Variants in ANTXR2 observed in about 807,000 individuals in gnomAD.
ANTXR2 encodes the protein ANTXR cell adhesion molecule 2, also known as anthrax toxin receptor 2.
A neutral mutation model predicts 73.7 loss-of-function variants in ANTXR2; 44 were observed. The ratio of observed to expected loss-of-function variants is 0.60; its 90% CI spans 0.47 to 0.77. The LOEUF (loss-of-function observed/expected upper bound fraction) is 0.77, where lower values mean the gene tolerates loss of function less well. Among genes scored for constraint, ANTXR2 ranks in the 30% least tolerant of loss-of-function variants. ANTXR2 has a pLI of 0.00. For synonymous variants in ANTXR2, 217 were observed against 205.9 expected (o/e 1.05, Z -0.46); for missense variants, 604 against 592.5 (o/e 1.02, Z -0.20).
At chr4:79,925,768 T>C (rs1275333525) in intron 16 of ANTXR2, among the ~76,000 whole-genome samples, 2 of 152,136 alleles carry the variant, frequency 1.3e-5, no homozygotes, top group Non-Finnish European at 2.9e-5. Context: ...GTACTATCAG[T>C]GTAACAATGT....
At chr4:79,919,896 TATATATATATATATATATATATATAA>T (rs1228480944) in intron 16 of ANTXR2, among the ~76,000 whole-genome samples, 203 of 16,362 alleles carry the variant, frequency 0.012, 25 homozygotes, top group East Asian at 0.094. Context: ...TATATATATA[TATATATATATATATATATATATATAA>T]AAAATGATAG....
intron 12 of ANTXR2, among the ~76,000 whole-genome samples, chr4:79,986,192 G>A (rs1005252392): frequency 1.3e-5 from 2 of 152,034 alleles, no homozygotes; most frequent in African/African-American, 2.4e-5. Flanking sequence ...TCACACCATC[G>A]TGATGGAAAA....
intron 9 of ANTXR2, 86 bp downstream of exon 9, chr4:80,033,386 A>G: frequency 1.1e-6 from 1 of 906,320 alleles, no homozygotes; most frequent in Middle Eastern, 2.2e-4. Context: ...TATGTCAGTT[A>G]GTTTTCGTTG....
intron 14 of ANTXR2, among the ~76,000 whole-genome samples, chr4:79,981,159 T>C (rs931181896): frequency 6.6e-6 from 1 of 152,124 alleles, no homozygotes; most frequent in African/African-American, 2.4e-5. Context: ...CATCTCCACA[T>C]TTAAATAAAT....
chr4:80,022,699 G>A (rs1052377138), intron 10 of ANTXR2, among the ~76,000 whole-genome samples: 5 of 152,074 alleles, frequency 3.3e-5, no homozygotes, highest in Admixed American at 1.3e-4. Flanking sequence ...GCTTTCTTAT[G>A]GGCAAAAATG....
intron 16 of ANTXR2, among the ~76,000 whole-genome samples, chr4:79,908,723 A>C (rs1449752438): frequency 3.3e-5 from 5 of 152,176 alleles, no homozygotes; most frequent in Non-Finnish European, 7.4e-5. Flanking sequence ...GTAGGAAAAA[A>C]GCAGATAGAA....
chr4:79,992,094 A>G (rs1730497394), intron 12 of ANTXR2, among the ~76,000 whole-genome samples: 1 of 152,064 alleles, frequency 6.6e-6, no homozygotes. Context: ...CTGTACATGT[A>G]CCCCTGAACC....
chr4:80,049,662 G>T (rs1733685152), intron 7 of ANTXR2, among the ~76,000 whole-genome samples: 1 of 151,374 alleles, frequency 6.6e-6, no homozygotes, highest in African/African-American at 2.4e-5. Context: ...TAACCCTCTT[G>T]TCCCCTCTGT....
rs1726833571 is a variant in ANTXR2, at chr4:79,904,553, CAA to C, written c.*2874_*2875del. 1.3e-5 allele frequency: 2 copies of C among 152,012 alleles called. No homozygotes were observed. Among genetic ancestry groups the C allele is most frequent in the South Asian group, 4.1e-4 (2 of 4,824 alleles). 9.4% of individuals were successfully genotyped at this position (152,012 alleles called of 1,614,324 possible). A position where few individuals can be genotyped will look rare whatever the true frequency, so the allele number is the denominator to read the frequency against. On this transcript the variant is annotated 3_prime_UTR_variant, in exon 17 of 17. Coordinates refer to ENST00000403729, the MANE Select transcript of ANTXR2 (RefSeq NM_058172.6). ...GCTCTAAGGAAAACATTCCAAGTAT[CAA>C]AGTTTTCAGATAGATAAATATTTAT...
In ANTXR2 at chr4:79,907,422, T is replaced by C. The variant is rs776108454; in HGVS notation, c.*7A>G. The stretch of plus-strand genomic sequence containing the variant: ...CTTCGTACCTTCTTGGTCTTCCTGC[T>C]TCCCTTTTACTGAGATGGAACTCGG... On this transcript the variant is annotated 3_prime_UTR_variant, in exon 17 of 17. Coordinates refer to ENST00000403729, the MANE Select transcript of ANTXR2 (RefSeq NM_058172.6). 1 of 1,612,420 alleles carries C rather than the reference T, an allele frequency of 6.2e-7. No homozygotes were observed. The highest frequency in any genetic ancestry group is 8.5e-7 in the Non-Finnish European group (1 of 1,178,990).
intron 12 of ANTXR2, among the ~76,000 whole-genome samples, chr4:79,993,931 T>G (rs1415015293): frequency 6.7e-6 from 1 of 148,348 alleles, no homozygotes; most frequent in Non-Finnish European, 1.5e-5. Context: ...TCTTGGTCAG[T>G]TTTTTTTTTA....
intron 16 of ANTXR2, among the ~76,000 whole-genome samples, chr4:79,957,000 A>T (rs1353435019): frequency 1.3e-5 from 2 of 152,132 alleles, no homozygotes; most frequent in African/African-American, 2.4e-5. Context: ...ACCACTTGAC[A>T]ATCCACCAAA....
In ANTXR2 at chr4:79,903,961, T is replaced by C. The variant is rs561942463; in HGVS notation, c.*3468A>G. On this transcript the variant is annotated 3_prime_UTR_variant, in exon 17 of 17. Transcript: ENST00000403729. ...CTAGTAAAAGCTAACCAATATACAATATATGCATGGAGTAGGAAGTTATAA... is the reference window on the plus strand; with the variant it reads ...CTAGTAAAAGCTAACCAATATACAACATATGCATGGAGTAGGAAGTTATAA... The C allele has an allele frequency of 9.2e-5, 14 of 152,258 alleles. 1 individual carries two copies. The South Asian group carries it at 2.9e-3, about 32-fold the overall frequency. 9.4% of individuals were successfully genotyped at this position (152,258 alleles called of 1,614,324 possible).
intron 7 of ANTXR2, among the ~76,000 whole-genome samples, chr4:80,053,181 A>C (rs1733843920): frequency 6.6e-6 from 1 of 151,636 alleles, no homozygotes; most frequent in Non-Finnish European, 1.5e-5. Flanking sequence ...CAGTTGTATC[A>C]GTTTTATTTA....
chr4:79,962,936 C>G (rs923191045), intron 16 of ANTXR2, among the ~76,000 whole-genome samples: 1 of 152,032 alleles, frequency 6.6e-6, no homozygotes, highest in African/African-American at 2.4e-5. Context: ...ATTCTAGGTA[C>G]TGAAGACACT....
At chr4:80,058,958 A>G (rs1008676684) in intron 3 of ANTXR2, among the ~76,000 whole-genome samples, 2 of 152,060 alleles carry the variant, frequency 1.3e-5, no homozygotes, top group African/African-American at 4.8e-5. Context: ...GTCACCCCCA[A>G]GTAGTTGCTA....
intron 14 of ANTXR2, among the ~76,000 whole-genome samples, chr4:79,983,521 T>C (rs1578129425): frequency 6.6e-6 from 1 of 152,200 alleles, no homozygotes; most frequent in Non-Finnish European, 1.5e-5. Flanking sequence ...TAGATAACTA[T>C]TGGATCTTTA....
In ANTXR2 at chr4:80,072,529, G is replaced by C; in HGVS notation, c.32C>G (p.Pro11Arg). 6.3e-7 allele frequency: 1 copy of C among 1,593,408 alleles called. No individual in the cohort carries two copies. The highest frequency in any genetic ancestry group is 8.5e-7 in the Non-Finnish European group (1 of 1,171,524). Reference protein sequence around the residue: MVAERSPARSPGSWLFPGLWL... With the variant: MVAERSPARSRGSWLFPGLWL... ...CAGCCCGGGGAACAGCCAGCTCCCG[G>C]GGCTGCGGGCCGGGGACCGCTCCGC... Residue 11 changes from proline to arginine, a missense_variant, in exon 1 of 17, where the codon CCC becomes CGC. Coordinates refer to ENST00000403729, the MANE Select transcript of ANTXR2 (RefSeq NM_058172.6).
At chr4:79,995,098 T>C (rs1159873263) in intron 12 of ANTXR2, among the ~76,000 whole-genome samples, 2 of 152,040 alleles carry the variant, frequency 1.3e-5, no homozygotes, top group African/African-American at 4.8e-5. Flanking sequence ...ATAAAACTTT[T>C]TAAAGTATAT....
Sources: allele counts gnomAD v4.1 joint callset (sites outside exome capture counted in the v4.1 genomes callset), GRCh38; gene constraint gnomAD v4.1.1; transcripts MANE v1.5; gene names NCBI Gene and HGNC (gene_info 2026-07-23, HGNC 2026-07-21).